FCN1: variants seen among roughly 807,000 people sequenced by gnomAD.
The protein encoded by FCN1 is ficolin 1, also known as ficolin-1.
A neutral mutation model predicts 35.6 loss-of-function variants in FCN1; 42 were observed. That is an observed-to-expected ratio of 1.18 (90% confidence interval 0.92 to 1.53). The LOEUF is 1.53. Among genes scored for constraint, FCN1 ranks in the 40% most tolerant of loss-of-function variants. The pLI is 0.00. For synonymous variants in FCN1, 179 were observed against 169.8 expected (o/e 1.05, Z -0.42); for missense variants, 439 against 428.4 (o/e 1.02, Z -0.22).
chr9:134,906,945 G>C lies in FCN1; in HGVS notation c.*2853C>G, dbSNP rs972769536. 6.6e-6 allele frequency: 1 copy of C among 152,072 alleles called. No homozygotes were observed. Among genetic ancestry groups the C allele is most frequent in the Admixed American group, 6.6e-5 (1 of 15,264 alleles). The allele number at this position is 152,072 out of a possible 1,614,324, so 9.4% of individuals were successfully genotyped here. A position where few individuals can be genotyped will look rare whatever the true frequency, so the allele number is the denominator to read the frequency against. ...AAAATTGCTGGGCATGGTTGTGTGT[G>C]CCTGTGATCCCAGCTACTTGGGAGG... On this transcript the variant is annotated 3_prime_UTR_variant, in exon 9 of 9. Transcript: ENST00000371806.
intron 1 of FCN1, among the ~76,000 whole-genome samples, chr9:134,917,212 C>T (rs1197990141): frequency 6.6e-6 from 1 of 152,134 alleles, no homozygotes; most frequent in African/African-American, 2.4e-5. Flanking sequence ...ATGTTTCCTT[C>T]ATAAATATGT....
At chr9:134,911,801 A>T (rs1004567121) in intron 7 of FCN1, among the ~76,000 whole-genome samples, 4 of 152,202 alleles carry the variant, frequency 2.6e-5, no homozygotes, top group Non-Finnish European at 5.9e-5. Flanking sequence ...AGAACTGAAC[A>T]TGCCCCACTG....
Position 134,914,381 on chromosome 9 carries a change from T to C in FCN1, c.307+4A>G. On this transcript the variant is annotated splice_donor_region_variant and intron_variant, in intron 4 of 8. Transcript: ENST00000371806. ...ACAACTGCCTGGGCCCACGGGTGGC[T>C]CACCTTTCTCTCCACGCATCCCCTT... 2 of 1,613,956 alleles carry C rather than the reference T, an allele frequency of 1.2e-6. No individual in the cohort carries two copies. Among genetic ancestry groups the C allele is most frequent in the South Asian group, 1.1e-5 (1 of 91,082 alleles).
rs1469904422 is a variant in FCN1 at position 134,906,686 on chromosome 9, AT to A, written c.*3111del. Reference sequence around the variant, plus strand: ...TTGATTAGTTAGTTCCACATTTTATATTGGATTTGTGAGATTCTTCATAATA... The same window carrying A: ...TTGATTAGTTAGTTCCACATTTTATATGGATTTGTGAGATTCTTCATAATA... On this transcript the variant is annotated 3_prime_UTR_variant, in exon 9 of 9. Transcript: ENST00000371806. The A allele has an allele frequency of 3.9e-5, 6 of 152,180 alleles. No homozygotes were observed. Among genetic ancestry groups the A allele is most frequent in the African/African-American group, 1.4e-4 (6 of 41,448 alleles). 9.4% of individuals were successfully genotyped at this position (152,180 alleles called of 1,614,324 possible). A position where few individuals can be genotyped will look rare whatever the true frequency, so the allele number is the denominator to read the frequency against.
In FCN1 at chr9:134,909,619, T is replaced by G; in HGVS notation, c.*179A>C. On this transcript the variant is annotated 3_prime_UTR_variant, in exon 9 of 9. Coordinates refer to ENST00000371806, the MANE Select transcript of FCN1 (RefSeq NM_002003.5). The stretch of plus-strand genomic sequence containing the variant: ...CCCAAAGTAAACATATTTAGAAACA[T>G]AATTCTCCCTCTGGTGAGGTTGTGG... 6.4e-7 allele frequency: 1 copy of G among 1,555,588 alleles called. No individual in the cohort carries two copies.
At position 134,914,815 on chromosome 9, in the gene FCN1, A is replaced by AAT; in HGVS notation, c.218-8_218-7dup. Reference sequence around the variant, plus strand: ...TCCAGGGAGACCGCGTTCTCCTGAAAATTCCAAAGACATATCACTGAGAAA... The same window carrying AAT: ...TCCAGGGAGACCGCGTTCTCCTGAAAATATTCCAAAGACATATCACTGAGAAA... On this transcript the variant is annotated splice_polypyrimidine_tract_variant and splice_region_variant and intron_variant, in intron 2 of 8. Coordinates refer to ENST00000371806, the MANE Select transcript of FCN1 (RefSeq NM_002003.5). 2.5e-6 allele frequency: 4 copies of AAT among 1,610,332 alleles called. No individual in the cohort carries two copies. The highest frequency in any genetic ancestry group is 3.4e-6 in the Non-Finnish European group (4 of 1,177,518).
At position 134,909,650 on chromosome 9, in the gene FCN1, T is replaced by C; in HGVS notation, c.*148A>G. ...TCCCTCTGGTGAGGTTGTGGGCATG[T>C]GGCGGCTTGACTGAGCTGGGGGCAA... On this transcript the variant is annotated 3_prime_UTR_variant, in exon 9 of 9. Coordinates refer to ENST00000371806, the MANE Select transcript of FCN1 (RefSeq NM_002003.5). The C allele has an allele frequency of 6.3e-7, 1 of 1,591,722 alleles. No individual in the cohort carries two copies. Among genetic ancestry groups the C allele is most frequent in the Non-Finnish European group, 8.5e-7 (1 of 1,175,794 alleles).
chr9:134,913,336 C>T (rs1273558402), intron 5 of FCN1, among the ~76,000 whole-genome samples, 193 bp from the exon 6 acceptor site: 2 of 152,198 alleles, frequency 1.3e-5, no homozygotes, highest in Admixed American at 1.3e-4. Context: ...TGCCGACCCT[C>T]CCACCTCCCA....
In FCN1 at chr9:134,907,316, A is replaced by G. The variant is rs1830967298; in HGVS notation, c.*2482T>C. ...ATGGGCTACAAGGACCTCTCCTTACAGGTATTGAGTCAAGAACACTGGGCA... is the reference window on the plus strand; with the variant it reads ...ATGGGCTACAAGGACCTCTCCTTACGGGTATTGAGTCAAGAACACTGGGCA... On this transcript the variant is annotated 3_prime_UTR_variant, in exon 9 of 9. Transcript: ENST00000371806. 6.6e-6 allele frequency: 1 copy of G among 152,192 alleles called. No homozygotes were observed. Among genetic ancestry groups the G allele is most frequent in the Admixed American group, 6.5e-5 (1 of 15,282 alleles). The allele number at this position is 152,192 out of a possible 1,614,324, so 9.4% of individuals were successfully genotyped here.
rs983725112 is a variant in FCN1 at position 134,909,362 on chromosome 9, G to A, written c.*436C>T. 10 of 1,289,504 alleles carry A rather than the reference G, an allele frequency of 7.8e-6. No homozygotes were observed. The highest frequency in any genetic ancestry group is 6.1e-5 in the African/African-American group (4 of 65,794). 79.9% of individuals were successfully genotyped at this position (1,289,504 alleles called of 1,614,324 possible). A position where few individuals can be genotyped will look rare whatever the true frequency, so the allele number is the denominator to read the frequency against. On this transcript the variant is annotated 3_prime_UTR_variant, in exon 9 of 9. Transcript: ENST00000371806. ...AGTGAGGCATGGGGGGATGGGGGAG[G>A]CTTGGGGGTGGAGGTGAGGATCGCC...
intron 1 of FCN1, among the ~76,000 whole-genome samples, chr9:134,917,040 A>G (rs1831100660): frequency 6.6e-6 from 1 of 152,120 alleles, no homozygotes; most frequent in East Asian, 1.9e-4. Context: ...AATATTTTTC[A>G]TTTTGTTCAT....
chr9:134,907,767 A>G lies in FCN1; in HGVS notation c.*2031T>C, dbSNP rs549890275. ...TGTGAGACTCATGCTCCTTGTGTGT[A>G]GGTGTCACTGTGTAATTGTCATGGC... On this transcript the variant is annotated 3_prime_UTR_variant, in exon 9 of 9. Coordinates refer to ENST00000371806, the MANE Select transcript of FCN1 (RefSeq NM_002003.5). 89 of 152,328 alleles carry G rather than the reference A, an allele frequency of 5.8e-4. No homozygotes were observed. Among genetic ancestry groups the G allele is most frequent in the African/African-American group, 1.9e-3 (79 of 41,570 alleles). 9.4% of individuals were successfully genotyped at this position (152,328 alleles called of 1,614,324 possible).
chr9:134,913,062 G>A lies in FCN1; in HGVS notation c.422C>T (p.Pro141Leu). 1.2e-6 allele frequency: 2 copies of A among 1,613,468 alleles called. No homozygotes were observed. Among genetic ancestry groups the A allele is most frequent in the Non-Finnish European group, 1.7e-6 (2 of 1,179,768 alleles). ...GTCCATGTCACAGAGCACAGTCAGG[G>A]GCCGGCAGTCGGGCAGGTAGATGGT... ...WHTIYLPDCR[P>L]LTVLCDMDTD... Residue 141 changes from proline (P) to leucine (L), a missense_variant, in exon 6 of 9, where the codon CCC (proline) becomes CTC (leucine). Physicochemically the swap from Pro to Leu is moderately conservative, Grantham distance 98. Transcript: ENST00000371806.
intron 1 of FCN1, 118 bp from the exon 2 acceptor site, chr9:134,916,579 G>C (rs1441950918): frequency 1.1e-5 from 12 of 1,058,446 alleles, no homozygotes; most frequent in Non-Finnish European, 1.6e-5. Flanking sequence ...GTGAGGCGGA[G>C]ATGTGATGGG....
rs939143101 is a variant in FCN1, at chr9:134,912,379, C to A, written c.598+107G>T. 6 of 1,193,888 alleles carry A rather than the reference C, an allele frequency of 5.0e-6. No homozygotes were observed. The Admixed American group carries it at 1.5e-4, about 30-fold the overall frequency. 74.0% of individuals were successfully genotyped at this position (1,193,888 alleles called of 1,614,324 possible). ...CAGTGCCACCTGAGTGTGCTCAGGG[C>A]CCAATCCCCTGTGGGCCAAGAGGTG... is the stretch of plus-strand genomic sequence containing the variant. On this transcript the variant is annotated intron_variant, in intron 7 of 8. Transcript: ENST00000371806.
chr9:134,916,545 T>C lies in FCN1; in HGVS notation c.104-84A>G, dbSNP rs538319332. The C allele has an allele frequency of 3.0e-6, 4 of 1,353,264 alleles. No homozygotes were observed. The South Asian group carries it at 3.5e-5, about 12-fold the overall frequency. 83.8% of individuals were successfully genotyped at this position (1,353,264 alleles called of 1,614,324 possible). On this transcript the variant is annotated intron_variant, in intron 1 of 8. Coordinates refer to ENST00000371806, the MANE Select transcript of FCN1 (RefSeq NM_002003.5). ...GTTTTCTGCTCTGCTGGGGCCTTGG[T>C]CTGTCCTCACCCCTCAGGCACTGGT...
intron 2 of FCN1, among the ~76,000 whole-genome samples, chr9:134,915,325 C>T (rs1344343534): frequency 6.6e-6 from 1 of 152,148 alleles, no homozygotes; most frequent in South Asian, 2.1e-4. Context: ...AGGTGACCCT[C>T]CCGTCCCCGA....
In FCN1 at chr9:134,909,194, A is replaced by T. The variant is rs1830989579; in HGVS notation, c.*604T>A. 1 of 1,289,118 alleles carries T rather than the reference A, an allele frequency of 7.8e-7. No individual in the cohort carries two copies. The highest frequency in any genetic ancestry group is 1.0e-6 in the Non-Finnish European group (1 of 988,482). 79.9% of individuals were successfully genotyped at this position (1,289,118 alleles called of 1,614,324 possible). A position where few individuals can be genotyped will look rare whatever the true frequency, so the allele number is the denominator to read the frequency against. ...CTCACTTAGTGAGTGCTAAGTGTTT[A>T]TCTCTTCCCAGCAGCCAGCCAGCCC... is the stretch of plus-strand genomic sequence containing the variant. On this transcript the variant is annotated 3_prime_UTR_variant, in exon 9 of 9. Coordinates refer to ENST00000371806, the MANE Select transcript of FCN1 (RefSeq NM_002003.5).
In FCN1 at chr9:134,906,787, T is replaced by G. The variant is rs904878312; in HGVS notation, c.*3011A>C. 2 of 152,148 alleles carry G rather than the reference T, an allele frequency of 1.3e-5. No homozygotes were observed. The highest frequency in any genetic ancestry group is 2.9e-5 in the Non-Finnish European group (2 of 68,016). 9.4% of individuals were successfully genotyped at this position (152,148 alleles called of 1,614,324 possible). A position where few individuals can be genotyped will look rare whatever the true frequency, so the allele number is the denominator to read the frequency against. On this transcript the variant is annotated 3_prime_UTR_variant, in exon 9 of 9. Coordinates refer to ENST00000371806, the MANE Select transcript of FCN1 (RefSeq NM_002003.5). The stretch of plus-strand genomic sequence containing the variant: ...GATTCCTTAATACAAAAGGCATATT[T>G]TGGCCAGGCACAGTGTCTCACGCCT...
Sources: gnomAD v4.1 joint callset for allele counts (sites outside exome capture counted in the v4.1 genomes callset) on GRCh38, gnomAD v4.1.1 for gene constraint, MANE v1.5 for transcripts, NCBI Gene and HGNC (gene_info 2026-07-23, HGNC 2026-07-21) for gene names.